RGS10: variants seen among roughly 807,000 people sequenced by gnomAD.
The protein encoded by RGS10 is regulator of G-protein signalling 10.
In RGS10, 11 loss-of-function variants were observed where a neutral mutation model predicts 23.5. The observed-to-expected ratio is 0.47, with a 90% confidence interval of 0.29 to 0.77. RGS10 has a LOEUF of 0.77. Ranked by LOEUF, RGS10 falls within the 30% of genes least tolerant of loss-of-function variation. The pLI, the probability that RGS10 is intolerant of heterozygous loss-of-function variation, is 0.08. For missense variants in RGS10, 180 were observed against 226.3 expected, an observed-to-expected ratio of 0.80 and a Z score of 1.31; for synonymous variants, 77 against 83.2, an observed-to-expected ratio of 0.92 and a Z score of 0.41.
chr10:119,528,886 T>C (rs565364383), intron 1 of RGS10, among the ~76,000 whole-genome samples: 19 of 143,146 alleles, frequency 1.3e-4, no homozygotes, highest in Non-Finnish European at 2.8e-4. Flanking sequence ...ATCATTATCC[T>C]GATGCCTGAG....
chr10:119,524,820 TC>T lies in RGS10; in HGVS notation c.255+1211del, dbSNP rs992377030. Among the ~76,000 whole-genome samples, 23 of 152,106 alleles carry T rather than the reference TC, an allele frequency of 1.5e-4. No homozygotes were observed. The highest frequency in any genetic ancestry group is 5.6e-4 in the African/African-American group (23 of 41,416). ...CCAAAGAGAATCCATCTTAGAATAC[TC>T]CCTTGCCACCTCCAGAGAGGAAGGT... On this transcript the variant is annotated intron_variant, in intron 3 of 4. Coordinates refer to ENST00000369103, the MANE Select transcript of RGS10 (RefSeq NM_001005339.2). The surrounding 1 kb of genome is among the most constrained non-coding windows in gnomAD (Gnocchi z 5.2).
In RGS10 at chr10:119,500,258, A is replaced by T; in HGVS notation, c.401T>A (p.Ile134Asn). ...GCTGTCGTACTTCATGAGATTAAAGATCTAAGGAGGAAAAGAAAAAAGAGT... is the reference window on the plus strand; with the variant it reads ...GCTGTCGTACTTCATGAGATTAAAGTTCTAAGGAGGAAAAGAAAAAAGAGT... ...PLMFQKLQDQIFNLMKYDSYS... is the reference protein window; with the variant it reads ...PLMFQKLQDQNFNLMKYDSYS... The change falls in exon 5 of 5, where the codon ATC (isoleucine) becomes AAC (asparagine). Residue 134 changes from isoleucine to asparagine, a missense_variant and splice_region_variant. Transcript: ENST00000369103. 1 of 1,606,008 alleles carries T rather than the reference A, an allele frequency of 6.2e-7. No individual in the cohort carries two copies. Among genetic ancestry groups the T allele is most frequent in the Non-Finnish European group, 8.5e-7 (1 of 1,177,964 alleles).
intron 4 of RGS10, among the ~76,000 whole-genome samples, chr10:119,513,891 G>T (rs2133949483): frequency 6.6e-6 from 1 of 152,338 alleles, no homozygotes; most frequent in African/African-American, 2.4e-5. Context: ...GGACAAGAGG[G>T]AATCTGGCTT....
intron 4 of RGS10, among the ~76,000 whole-genome samples, chr10:119,503,627 C>A (rs996084540): frequency 6.6e-6 from 1 of 152,168 alleles, no homozygotes; most frequent in Non-Finnish European, 1.5e-5. Context: ...CTCTGAAGAC[C>A]CCCATTTGAC....
chr10:119,536,929 T>C (rs2133961618), intron 1 of RGS10, among the ~76,000 whole-genome samples: 1 of 152,252 alleles, frequency 6.6e-6, no homozygotes, highest in South Asian at 2.1e-4. Context: ...CCAGGGTCAG[T>C]CAGGTGGATG....
rs747436205 is a variant in RGS10, at chr10:119,524,554, C to A, written c.255+1478G>T. ...GTCTAGCATTTATCGATGGTGGTCC[C>A]CAGGCCCTGTCCTCGGTGCTGGAGA... On this transcript the variant is annotated intron_variant, in intron 3 of 4. Coordinates refer to ENST00000369103, the MANE Select transcript of RGS10 (RefSeq NM_001005339.2). The surrounding 1 kb of genome is among the most constrained non-coding windows in gnomAD (Gnocchi z 5.2). Among the ~76,000 whole-genome samples, 1 of 152,082 alleles carries A rather than the reference C, an allele frequency of 6.6e-6. No individual in the cohort carries two copies. The highest frequency in any genetic ancestry group is 2.4e-5 in the African/African-American group (1 of 41,408).
intron 4 of RGS10, among the ~76,000 whole-genome samples, chr10:119,503,292 A>G (rs1001655947): frequency 2.6e-5 from 4 of 151,514 alleles, no homozygotes; most frequent in African/African-American, 7.3e-5. Flanking sequence ...GTGAGCTAAG[A>G]TCACGCCACT....
intron 1 of RGS10, among the ~76,000 whole-genome samples, chr10:119,532,883 C>T (rs1489769540): frequency 6.6e-6 from 1 of 150,890 alleles, no homozygotes; most frequent in East Asian, 2.0e-4. Flanking sequence ...CCAAAAAAAC[C>T]ACAAAAATTA....
chr10:119,542,551 G>A (rs987349294), intron 1 of RGS10, 39 bp downstream of exon 1: 2 of 1,369,418 alleles, frequency 1.5e-6, no homozygotes, highest in Non-Finnish European at 1.9e-6. Context: ...GCGAAACGGC[G>A]CCCCGACCCC....
intron 4 of RGS10, among the ~76,000 whole-genome samples, chr10:119,506,024 C>T (rs1305279943): frequency 6.6e-6 from 1 of 152,232 alleles, no homozygotes; most frequent in African/African-American, 2.4e-5. Flanking sequence ...ACCGCCGTCT[C>T]TGAATTGCGG....
At chr10:119,539,293 A>G (rs1463293774) in intron 1 of RGS10, among the ~76,000 whole-genome samples, 2 of 152,272 alleles carry the variant, frequency 1.3e-5, no homozygotes, top group African/African-American at 2.4e-5. Flanking sequence ...TCATCTTTAA[A>G]TAAAACAAGC....
chr10:119,512,072 G>A (rs1844082764), intron 4 of RGS10, among the ~76,000 whole-genome samples: 1 of 152,196 alleles, frequency 6.6e-6, no homozygotes, highest in South Asian at 2.1e-4. Context: ...AGGTTCCAGC[G>A]GTGCCCTACA....
At chr10:119,525,022 GCCGCAT>G (rs58925016) in intron 3 of RGS10, among the ~76,000 whole-genome samples, 6,400 of 152,236 alleles carry the variant, frequency 0.042, 353 homozygotes, top group East Asian at 0.13. Context: ...CAACGCGCAA[GCCGCAT>G]CTGCCCATGG....
chr10:119,508,927 T>C (rs113411968), intron 4 of RGS10, among the ~76,000 whole-genome samples: 130 of 151,884 alleles, frequency 8.6e-4, no homozygotes, highest in African/African-American at 2.9e-3. Flanking sequence ...TAAGACCCCA[T>C]CCCTAGAAAA....
At position 119,526,103 on chromosome 10, in the gene RGS10, C is replaced by G; in HGVS notation, c.184G>C (p.Glu62Gln). 1 of 1,558,502 alleles carries G rather than the reference C, an allele frequency of 6.4e-7. No individual in the cohort carries two copies. Among genetic ancestry groups the G allele is most frequent in the Non-Finnish European group, 8.7e-7 (1 of 1,144,258 alleles). ...AACAAAACATTTTCTTCACTGAATTCCTTTTTTAAAAATTCCTGTGGATAC... is the reference window on the plus strand; with the variant it reads ...AACAAAACATTTTCTTCACTGAATTGCTTTTTTAAAAATTCCTGTGGATAC... ...VKRFREFLKK[E>Q]FSEENVLFWL... Residue 62 changes from glutamate (E) to glutamine (Q), a missense_variant, in exon 3 of 5, where the codon GAA (glutamate) becomes CAA (glutamine). Transcript: ENST00000369103.
rs552595148 is a variant in RGS10, at chr10:119,534,772, T to C, written c.50-7348A>G. On this transcript the variant is annotated intron_variant, in intron 1 of 4. Transcript: ENST00000369103. ...AGGTGTGGTGGTGCACGCCTGTAGT[T>C]CCAGCTACTCGGGAGGCTGAAGCAG... is the stretch of plus-strand genomic sequence containing the variant. Among the ~76,000 whole-genome samples the C allele has an allele frequency of 2.8e-5, 4 of 140,904 alleles. No individual in the cohort carries two copies. The South Asian group carries it at 9.3e-4, about 33-fold the overall frequency. 92.4% of individuals were successfully genotyped at this position (140,904 alleles called of 152,430 possible).
At chr10:119,539,553 T>C (rs2133962759) in intron 1 of RGS10, among the ~76,000 whole-genome samples, 1 of 152,260 alleles carries the variant, frequency 6.6e-6, no homozygotes, top group East Asian at 1.9e-4. Context: ...GACCCTCACA[T>C]TTCACTGGCC....
chr10:119,503,952 G>A (rs1250083807), intron 4 of RGS10, among the ~76,000 whole-genome samples: 1 of 152,198 alleles, frequency 6.6e-6, no homozygotes, highest in Admixed American at 6.5e-5. Flanking sequence ...AGGGAGGGGA[G>A]CACAGTTCAG....
intron 4 of RGS10, among the ~76,000 whole-genome samples, chr10:119,513,106 C>T (rs1844096917): frequency 6.6e-6 from 1 of 151,992 alleles, no homozygotes; most frequent in East Asian, 1.9e-4. Flanking sequence ...TTTTTGTTTC[C>T]CAAGTTTCTT....
Sources: gnomAD v4.1 joint callset for allele counts (sites outside exome capture counted in the v4.1 genomes callset) on GRCh38, gnomAD v4.1.1 for gene constraint, Gnocchi (gnomAD v3.1) non-coding constraint, MANE v1.5 for transcripts, NCBI Gene and HGNC (gene_info 2026-07-23, HGNC 2026-07-21) for gene names.